HPD: variants seen among roughly 807,000 people sequenced by gnomAD.
HPD encodes the protein 4-hydroxyphenylpyruvic acid oxidase.
Under a neutral mutation model 56.9 loss-of-function variants are expected in HPD, and 35 were observed. That is an observed-to-expected ratio of 0.62 (90% confidence interval 0.47 to 0.82). HPD has a LOEUF of 0.82. HPD is among the 40% of genes least tolerant of loss of function. The probability of loss-of-function intolerance (pLI) is 0.00; values close to 1 mark genes in which losing one functional copy is unlikely to be tolerated. For missense variants in HPD, 442 were observed against 506.8 expected, an observed-to-expected ratio of 0.87 and a Z score of 1.23; for synonymous variants, 186 against 200.2, an observed-to-expected ratio of 0.93 and a Z score of 0.60.
At chr12:121,856,488 G>A in intron 5 of HPD, 82 bp from the exon 6 acceptor site, 1 of 1,595,956 alleles carries the variant, frequency 6.3e-7, no homozygotes. Flanking sequence ...TCCAGGCCCT[G>A]AACCCAGAGC....
chr12:121,885,026 G>A, the HPD span, among the ~76,000 whole-genome samples: 1 of 151,964 alleles, frequency 6.6e-6, no homozygotes, highest in Admixed American at 6.6e-5. Flanking sequence ...GAGTAGCTGG[G>A]ATTACAGGTG....
At chr12:121,878,632 A>G in the HPD span, among the ~76,000 whole-genome samples, 1 of 151,474 alleles carries the variant, frequency 6.6e-6, no homozygotes, top group African/African-American at 2.4e-5. Flanking sequence ...TACAGGCATG[A>G]ACCACTGTGC....
At chr12:121,849,874 C>G in intron 7 of HPD, 84 bp from the exon 8 acceptor site, 1 of 883,714 alleles carries the variant, frequency 1.1e-6, no homozygotes, top group Non-Finnish European at 1.9e-6. Context: ...CTAACGTAGC[C>G]CCGGGTTCCA....
At chr12:121,858,740 A>T in intron 1 of HPD, 27 bp from the exon 2 acceptor site, 1 of 1,614,062 alleles carries the variant, frequency 6.2e-7, no homozygotes, top group Non-Finnish European at 8.5e-7. Flanking sequence ...GGACAGTGAG[A>T]CTTGGAGGTT....
chr12:121,847,184 G>A lies in HPD; in HGVS notation c.627C>T (p.Phe209=). 6.2e-7 allele frequency: 1 copy of A among 1,614,136 alleles called. No homozygotes were observed. Among genetic ancestry groups the A allele is most frequent in the Non-Finnish European group, 8.5e-7 (1 of 1,180,002 alleles). ...GCACCTGCGTGTCATCCACGGACCA[G>A]AAGCGGTGGAACTGCAGGTTTTTCA... The part of the protein sequence containing the change: ...WYLKNLQFHR[F]WSVDDTQVHT... Residue 209 remains phenylalanine (F), a synonymous_variant, in exon 10 of 14, where the codon TTC becomes TTT. Coordinates refer to ENST00000289004, the MANE Select transcript of HPD (RefSeq NM_002150.3).
chr12:121,882,918 G>A, the HPD span, among the ~76,000 whole-genome samples: 1 of 151,996 alleles, frequency 6.6e-6, no homozygotes, highest in Non-Finnish European at 1.5e-5. Context: ...AGTAGAGATG[G>A]GGTTTCACCA....
the HPD span, among the ~76,000 whole-genome samples, chr12:121,887,070 T>C: frequency 2.6e-5 from 4 of 152,216 alleles, no homozygotes; most frequent in South Asian, 4.2e-4. Context: ...TTGGTAACTT[T>C]TGTATTTTTA....
At chr12:121,871,566 G>A in the HPD span, among the ~76,000 whole-genome samples, 1 of 152,152 alleles carries the variant, frequency 6.6e-6, no homozygotes, top group Non-Finnish European at 1.5e-5. Context: ...GGTGAAGGCT[G>A]GCCCGGGTGC....
the HPD span, among the ~76,000 whole-genome samples, chr12:121,876,809 C>T: frequency 1.1e-4 from 16 of 152,228 alleles, no homozygotes; most frequent in South Asian, 2.1e-4. Context: ...TGTGGCAGGG[C>T]GCGGTGGCTC....
chr12:121,866,988 T>C (rs1878344581), upstream of HPD, among the ~76,000 whole-genome samples: 1 of 152,142 alleles, frequency 6.6e-6, no homozygotes, highest in Non-Finnish European at 1.5e-5. Flanking sequence ...AGCTTTGCCT[T>C]TTCTAGAATG....
the HPD span, among the ~76,000 whole-genome samples, chr12:121,875,101 T>C: frequency 3.9e-5 from 6 of 152,196 alleles, no homozygotes; most frequent in Non-Finnish European, 8.8e-5. Flanking sequence ...GGCAAACATT[T>C]TCCATAAAAA....
chr12:121,856,509 A>C (rs1284148506), intron 5 of HPD, 74 bp downstream of exon 5: 6 of 1,598,320 alleles, frequency 3.8e-6, no homozygotes, highest in Non-Finnish European at 5.1e-6. Flanking sequence ...CCACCCACGG[A>C]GCCATGCGTC....
chr12:121,862,194 C>A (rs1447760856), upstream of HPD, among the ~76,000 whole-genome samples: 3 of 152,130 alleles, frequency 2.0e-5, no homozygotes, highest in Non-Finnish European at 4.4e-5. Context: ...GTGCAAACAT[C>A]GTGGATGCTG....
At chr12:121,885,478 G>A in the HPD span, among the ~76,000 whole-genome samples, 2 of 152,062 alleles carry the variant, frequency 1.3e-5, no homozygotes, top group African/African-American at 4.8e-5. Context: ...GGGATTACAG[G>A]TGTGAGCCAC....
In HPD at chr12:121,846,494, G is replaced by T. The variant is rs182910156; in HGVS notation, c.831+368C>A. On this transcript the variant is annotated intron_variant, in intron 11 of 13. Transcript: ENST00000289004. ...GGCCACCCAAAGTGCTGGGATTACAGGTGTGAGCCACTGTGCCCGGCCCTA... is the reference window on the plus strand; with the variant it reads ...GGCCACCCAAAGTGCTGGGATTACATGTGTGAGCCACTGTGCCCGGCCCTA... Among the ~76,000 whole-genome samples the T allele has an allele frequency of 3.3e-5, 5 of 152,338 alleles. No homozygotes were observed. The East Asian group carries it at 9.6e-4, about 29-fold the overall frequency.
the HPD span, among the ~76,000 whole-genome samples, chr12:121,879,538 G>A: frequency 9.1e-6 from 1 of 109,988 alleles, no homozygotes; most frequent in Admixed American, 1.0e-4. Flanking sequence ...TATTTGATGG[G>A]GTCTTTCTCT....
chr12:121,887,580 G>A, the HPD span, among the ~76,000 whole-genome samples: 1 of 151,392 alleles, frequency 6.6e-6, no homozygotes, highest in Admixed American at 6.6e-5. Flanking sequence ...CCATGTTGGC[G>A]AGGCTAGTCT....
the HPD span, among the ~76,000 whole-genome samples, chr12:121,872,171 G>A: frequency 3.3e-5 from 5 of 149,416 alleles, no homozygotes; most frequent in African/African-American, 1.2e-4. Context: ...CCTGGGAGGC[G>A]GAGGTTGCAG....
chr12:121,880,723 C>T, the HPD span, among the ~76,000 whole-genome samples: 1 of 151,976 alleles, frequency 6.6e-6, no homozygotes, highest in Admixed American at 6.6e-5. Context: ...AACTTCTGGC[C>T]TCAAGTGATT....
Sources: allele counts gnomAD v4.1 joint callset (sites outside exome capture counted in the v4.1 genomes callset), GRCh38; gene constraint gnomAD v4.1.1; transcripts MANE v1.5; gene names NCBI Gene and HGNC (gene_info 2026-07-23, HGNC 2026-07-21).